DACH2: variants seen among roughly 807,000 people sequenced by gnomAD.
DACH2 encodes dachshund homolog 2.
In DACH2, 17 loss-of-function variants were observed where a neutral mutation model predicts 35.8. The observed-to-expected ratio is 0.48, with a 90% CI of 0.33 to 0.71. The LOEUF (loss-of-function observed/expected upper bound fraction) is 0.71, where lower values mean the gene tolerates loss of function less well. Ranked by LOEUF, DACH2 falls within the 30% of genes least tolerant of loss-of-function variation. The pLI is 0.02. For synonymous variants in DACH2, 195 were observed against 177.3 expected, an observed-to-expected ratio of 1.10 and a Z score of -0.79; for missense variants, 469 against 472.7, an observed-to-expected ratio of 0.99 and a Z score of 0.07.
chrX:86,623,649 T>C (rs2040094497), intron 3 of DACH2, among the ~76,000 whole-genome samples: 1 of 111,850 alleles, frequency 8.9e-6, no homozygotes, highest in Non-Finnish European at 1.9e-5. Context: ...TACAAGAATG[T>C]CACTATTAAG....
intron 7 of DACH2, among the ~76,000 whole-genome samples, chrX:86,745,432 G>T (rs1441732886): frequency 9.0e-6 from 1 of 110,611 alleles, no homozygotes; most frequent in African/African-American, 3.3e-5. Context: ...CCACCCTCAA[G>T]TAGGCCCCAG....
chrX:86,640,641 A>C (rs1602729924), intron 3 of DACH2, among the ~76,000 whole-genome samples: 1 of 110,933 alleles, frequency 9.0e-6, no homozygotes. Context: ...TGCAGTGGGC[A>C]GCTAAGGAGT....
intron 3 of DACH2, among the ~76,000 whole-genome samples, chrX:86,643,922 TGTTA>T (rs1298151430): frequency 1.8e-5 from 2 of 111,537 alleles, no homozygotes; most frequent in African/African-American, 6.5e-5. Context: ...CACCTCTGCA[TGTTA>T]AGAACTCTCA....
chrX:86,406,012 G>A (rs1269072821), intron 2 of DACH2, among the ~76,000 whole-genome samples: 1 of 111,320 alleles, frequency 9.0e-6, no homozygotes, highest in African/African-American at 3.3e-5. Flanking sequence ...GAGCATGGAG[G>A]AAACTGCCCA....
At chrX:86,727,807 G>T (rs1476756500) in intron 6 of DACH2, among the ~76,000 whole-genome samples, 2 of 111,969 alleles carry the variant, frequency 1.8e-5, no homozygotes, top group Non-Finnish European at 3.8e-5. Context: ...TGCACAGCCT[G>T]CAGACCCATG....
At chrX:86,824,801 C>T (rs2042547687) in intron 11 of DACH2, among the ~76,000 whole-genome samples, 1 of 111,892 alleles carries the variant, frequency 8.9e-6, no homozygotes, top group Non-Finnish European at 1.9e-5. Context: ...AGGAAAAACT[C>T]TCAATAGAGA....
At chrX:86,243,205 C>A (rs1485972932) in intron 1 of DACH2, among the ~76,000 whole-genome samples, 1 of 110,736 alleles carries the variant, frequency 9.0e-6, no homozygotes, top group Non-Finnish European at 1.9e-5. Flanking sequence ...AGATAAGGAT[C>A]TAAAGATACA....
intron 6 of DACH2, among the ~76,000 whole-genome samples, chrX:86,738,304 G>A (rs2041617740): frequency 9.0e-6 from 1 of 111,522 alleles, no homozygotes. Context: ...TACTACTAAT[G>A]AAATAATAAA....
chrX:86,611,981 GT>G (rs1438679171), intron 3 of DACH2, among the ~76,000 whole-genome samples: 33 of 109,479 alleles, frequency 3.0e-4, no homozygotes, highest in Non-Finnish European at 5.9e-4. Flanking sequence ...GTGTGTGTGT[GT>G]GTGGGTAGGG....
intron 2 of DACH2, among the ~76,000 whole-genome samples, chrX:86,388,163 C>G (rs1315351118): frequency 1.8e-5 from 2 of 111,972 alleles, no homozygotes; most frequent in Non-Finnish European, 3.8e-5. Context: ...TCAGGAGGCC[C>G]TTGGAGCCCT....
intron 4 of DACH2, among the ~76,000 whole-genome samples, chrX:86,687,336 A>G (rs934802022): frequency 3.6e-5 from 4 of 111,716 alleles, no homozygotes. Flanking sequence ...TCAAAACCAC[A>G]ATGAGATACC....
intron 3 of DACH2, among the ~76,000 whole-genome samples, chrX:86,649,464 A>G (rs1037500694): frequency 9.0e-6 from 1 of 111,023 alleles, no homozygotes; most frequent in Non-Finnish European, 1.9e-5. Flanking sequence ...CATTGCCATC[A>G]TATTTTCTGT....
At position 86,633,904 on chromosome X, in the gene DACH2, G is replaced by T. The variant is rs138501216; in HGVS notation, c.641-17132G>T. 2.6e-4 allele frequency among the ~76,000 whole-genome samples: 29 copies of T among 111,958 alleles called. 1 individual carries two copies. The East Asian group carries it at 7.6e-3, about 29-fold the overall frequency. On this transcript the variant is annotated intron_variant, in intron 3 of 11. Transcript: ENST00000373125. ...ACCATTTCAATAGAAGCAGAAAAAC[G>T]CATTTGATAAAATTCAGCATCCTTT...
intron 7 of DACH2, among the ~76,000 whole-genome samples, chrX:86,770,129 G>A (rs140771719): frequency 0.032 from 3,466 of 109,056 alleles, 133 homozygotes; most frequent in African/African-American, 0.11. Context: ...ATTTTAAAGC[G>A]CACAAAGACA....
intron 1 of DACH2, among the ~76,000 whole-genome samples, chrX:86,162,167 CT>C (rs1376062627): frequency 1.8e-5 from 2 of 109,125 alleles, no homozygotes; most frequent in East Asian, 5.7e-4. Context: ...TTTTTGAGGT[CT>C]TTCTCTACAT....
At chrX:86,324,269 A>C (rs1275262470) in intron 1 of DACH2, among the ~76,000 whole-genome samples, 1 of 111,937 alleles carries the variant, frequency 8.9e-6, no homozygotes, top group African/African-American at 3.3e-5. Flanking sequence ...TATGTGACTG[A>C]ATTGCTGCAA....
At chrX:86,421,387 C>T (rs1388696383) in intron 2 of DACH2, among the ~76,000 whole-genome samples, 1 of 111,018 alleles carries the variant, frequency 9.0e-6, no homozygotes, top group Non-Finnish European at 1.9e-5. Context: ...TTAAGAGTGA[C>T]AGATCAGTGA....
chrX:86,446,288 C>CTTTTT (rs753958102), intron 2 of DACH2, among the ~76,000 whole-genome samples: 21 of 78,023 alleles, frequency 2.7e-4, no homozygotes, highest in African/African-American at 6.5e-4. Flanking sequence ...AGTCTTGTTT[C>CTTTTT]TTTTTTTTTT....
At chrX:86,621,197 G>A (rs940763981) in intron 3 of DACH2, among the ~76,000 whole-genome samples, 4 of 111,357 alleles carry the variant, frequency 3.6e-5, no homozygotes, top group African/African-American at 1.3e-4. Flanking sequence ...GTGTCTTCTA[G>A]AAAGCTCTAG....
Sources: gnomAD v4.1 joint callset for allele counts (sites outside exome capture counted in the v4.1 genomes callset) on GRCh38, gnomAD v4.1.1 for gene constraint, MANE v1.5 for transcripts, NCBI Gene and HGNC (gene_info 2026-07-23, HGNC 2026-07-21) for gene names.